The following HMGCLL1 variants were observed in gnomAD, a reference collection of about 807,000 sequenced individuals.
HMGCLL1 encodes 3-hydroxy-3-methylglutaryl-CoA lyase like 1.
A neutral mutation model predicts 39.1 loss-of-function variants in HMGCLL1; 36 were observed. The ratio of observed to expected loss-of-function variants is 0.92; its 90% CI spans 0.71 to 1.22. HMGCLL1 has a LOEUF of 1.22. Ranked by LOEUF, HMGCLL1 falls within the 50% of genes most tolerant of loss-of-function variation. The pLI is 0.00. For synonymous variants in HMGCLL1, 149 were observed against 144.0 expected (o/e 1.03, Z -0.25); for missense variants, 451 against 416.5 (o/e 1.08, Z -0.72).
the HMGCLL1 span, among the ~76,000 whole-genome samples, chr6:55,603,449 A>G: frequency 9.0e-6 from 1 of 110,722 alleles, no homozygotes; most frequent in African/African-American, 3.1e-5. Context: ...ATATCTATTC[A>G]TATCAGTTGT....
chr6:55,487,885 G>A (rs1766120451), intron 7 of HMGCLL1, among the ~76,000 whole-genome samples: 1 of 151,972 alleles, frequency 6.6e-6, no homozygotes, highest in Non-Finnish European at 1.5e-5. Context: ...TTGCTTCCAA[G>A]TATCTCCTCT....
the HMGCLL1 span, among the ~76,000 whole-genome samples, chr6:55,595,978 T>C: frequency 1.6e-3 from 247 of 152,296 alleles, 2 homozygotes; most frequent in African/African-American, 5.7e-3. Context: ...TTCAACATGG[T>C]ATCAAATGTT....
intron 5 of HMGCLL1, 40 bp from the exon 6 acceptor site, chr6:55,499,339 A>G: frequency 7.1e-7 from 1 of 1,402,676 alleles, no homozygotes; most frequent in Non-Finnish European, 9.7e-7. Context: ...GCATATGGTA[A>G]ATAAGCCATT....
At chr6:55,465,303 T>G (rs1764750027) in intron 7 of HMGCLL1, among the ~76,000 whole-genome samples, 1 of 152,082 alleles carries the variant, frequency 6.6e-6, no homozygotes, top group Non-Finnish European at 1.5e-5. Context: ...TGTCCATTAA[T>G]TATATATATA....
chr6:55,436,339 G>A (rs552309176), intron 8 of HMGCLL1, among the ~76,000 whole-genome samples: 35 of 152,112 alleles, frequency 2.3e-4, no homozygotes, highest in African/African-American at 7.9e-4. Context: ...TACACATCTG[G>A]AACTTGTTCG....
the HMGCLL1 span, among the ~76,000 whole-genome samples, chr6:55,606,906 G>A: frequency 6.6e-6 from 1 of 152,120 alleles, no homozygotes; most frequent in Admixed American, 6.6e-5. Context: ...GTGAAAGGGA[G>A]AGAGAGAAAG....
At chr6:55,527,911 T>C (rs1205187656) in intron 3 of HMGCLL1, among the ~76,000 whole-genome samples, 1 of 151,984 alleles carries the variant, frequency 6.6e-6, no homozygotes, top group Non-Finnish European at 1.5e-5. Context: ...TGTCTTTTTA[T>C]TGGTACATCC....
chr6:55,628,913 A>G, the HMGCLL1 span, among the ~76,000 whole-genome samples: 1 of 152,086 alleles, frequency 6.6e-6, no homozygotes, highest in East Asian at 1.9e-4. Flanking sequence ...GTCATGTGGA[A>G]CTGTAAGTCC....
intron 7 of HMGCLL1, among the ~76,000 whole-genome samples, chr6:55,484,223 A>G (rs533659163): frequency 2.3e-3 from 346 of 152,264 alleles, no homozygotes; most frequent in Non-Finnish European, 4.3e-3. Flanking sequence ...TGACCCATAT[A>G]TAGCATTTAA....
At chr6:55,534,681 T>G (rs1049185186) in intron 3 of HMGCLL1, among the ~76,000 whole-genome samples, 1 of 152,114 alleles carries the variant, frequency 6.6e-6, no homozygotes, top group Admixed American at 6.6e-5. Context: ...TCATTGTGAG[T>G]ACCTAAGAAA....
intron 5 of HMGCLL1, among the ~76,000 whole-genome samples, chr6:55,506,007 A>T (rs183093049): frequency 2.8e-4 from 42 of 151,794 alleles, no homozygotes; most frequent in Admixed American, 2.6e-3. Context: ...CAAGTAAATT[A>T]AATAGGTTGC....
intron 3 of HMGCLL1, among the ~76,000 whole-genome samples, chr6:55,532,574 A>T (rs1768745105): frequency 6.6e-6 from 1 of 151,978 alleles, no homozygotes; most frequent in African/African-American, 2.4e-5. Flanking sequence ...AGCCTGAGGC[A>T]GGTGGATCAC....
the HMGCLL1 span, among the ~76,000 whole-genome samples, chr6:55,629,662 G>T: frequency 6.6e-6 from 1 of 152,112 alleles, no homozygotes; most frequent in African/African-American, 2.4e-5. Context: ...GTGGTTTCTT[G>T]GGCCAGGCCC....
the HMGCLL1 span, among the ~76,000 whole-genome samples, chr6:55,649,025 T>C: frequency 6.6e-6 from 1 of 152,144 alleles, no homozygotes; most frequent in Non-Finnish European, 1.5e-5. Flanking sequence ...TCATGTCTTA[T>C]TGTACTATAC....
At chr6:55,606,801 T>G in the HMGCLL1 span, among the ~76,000 whole-genome samples, 1 of 152,052 alleles carries the variant, frequency 6.6e-6, no homozygotes, top group Non-Finnish European at 1.5e-5. Flanking sequence ...GTGAGGCGAT[T>G]ATCCTGGATT....
chr6:55,616,134 A>G, the HMGCLL1 span, among the ~76,000 whole-genome samples: 1 of 152,120 alleles, frequency 6.6e-6, no homozygotes, highest in Non-Finnish European at 1.5e-5. Context: ...CTTGCAGTGT[A>G]ACATTGAAGA....
intron 3 of HMGCLL1, among the ~76,000 whole-genome samples, chr6:55,532,562 G>A (rs1210533658): frequency 6.6e-6 from 1 of 151,896 alleles, no homozygotes; most frequent in Non-Finnish European, 1.5e-5. Flanking sequence ...CAACACTTTG[G>A]GAGCCTGAGG....
the HMGCLL1 span, among the ~76,000 whole-genome samples, chr6:55,662,623 A>G: frequency 2.0e-5 from 3 of 151,696 alleles, no homozygotes; most frequent in South Asian, 6.2e-4. Context: ...ATGTTCATCA[A>G]GGATATTGGC....
intron 1 of HMGCLL1, chr6:55,563,814 C>T (rs899717235): frequency 8.4e-7 from 1 of 1,186,794 alleles, no homozygotes; most frequent in Non-Finnish European, 1.1e-6. Flanking sequence ...TTCTCCTATT[C>T]TCACCTTTAG....
Sources: allele counts gnomAD v4.1 joint callset (sites outside exome capture counted in the v4.1 genomes callset), GRCh38; gene constraint gnomAD v4.1.1; transcripts MANE v1.5; gene names NCBI Gene and HGNC (gene_info 2026-07-23, HGNC 2026-07-21).